ZC3H12B: variants seen among roughly 807,000 people sequenced by gnomAD.
The protein encoded by ZC3H12B is zinc finger CCCH-type containing 12B, also known as probable ribonuclease ZC3H12B.
ZC3H12B carries 7 observed loss-of-function variants against 43.9 expected under a neutral mutation model. The ratio of observed to expected loss-of-function variants is 0.16; its 90% CI spans 0.09 to 0.30. ZC3H12B has a LOEUF of 0.30. ZC3H12B is among the 10% of genes least tolerant of loss of function. ZC3H12B has a pLI of 1.00. For synonymous variants in ZC3H12B, 222 were observed against 241.7 expected (o/e 0.92, Z 0.76); for missense variants, 475 against 670.2 (o/e 0.71, Z 3.22).
chrX:65,299,836 C>T, the ZC3H12B span, among the ~76,000 whole-genome samples: 2 of 112,273 alleles, frequency 1.8e-5, no homozygotes, highest in African/African-American at 6.5e-5. Context: ...CTGTGAGTGC[C>T]CAAAGTGTGA....
chrX:65,168,072 G>C, the ZC3H12B span, among the ~76,000 whole-genome samples: 1 of 111,850 alleles, frequency 8.9e-6, no homozygotes, highest in Non-Finnish European at 1.9e-5. Context: ...CCAACACTAT[G>C]TTGAATAGGA....
intron 3 of ZC3H12B, among the ~76,000 whole-genome samples, chrX:65,462,791 A>G (rs2067768836): frequency 8.9e-6 from 1 of 112,066 alleles, no homozygotes; most frequent in Non-Finnish European, 1.9e-5. Flanking sequence ...AAAACACATC[A>G]TTCTACCAAA....
chrX:65,429,096 A>C, intron 3 of ZC3H12B, among the ~76,000 whole-genome samples: 1 of 112,128 alleles, frequency 8.9e-6, no homozygotes. Context: ...GAAGGTTGTG[A>C]AATAGCAAAG....
the ZC3H12B span, among the ~76,000 whole-genome samples, chrX:65,131,005 G>T: frequency 8.9e-6 from 1 of 112,109 alleles, no homozygotes; most frequent in South Asian, 3.7e-4. Context: ...CATTAATGAT[G>T]GTGGACCCTT....
chrX:65,358,075 C>T, the ZC3H12B span, among the ~76,000 whole-genome samples: 4 of 108,167 alleles, frequency 3.7e-5, no homozygotes, highest in South Asian at 3.9e-4. Flanking sequence ...GATATTAAAC[C>T]AACAAAGATC....
the ZC3H12B span, chrX:65,272,913 C>T: frequency 8.9e-6 from 1 of 112,184 alleles, no homozygotes; most frequent in Non-Finnish European, 1.9e-5. Context: ...ACATTCTTAA[C>T]ATTTTAGAAG....
the ZC3H12B span, among the ~76,000 whole-genome samples, chrX:65,078,589 A>G: frequency 8.9e-6 from 1 of 112,156 alleles, no homozygotes; most frequent in Non-Finnish European, 1.9e-5. Context: ...ATTTGACAAT[A>G]TGGAGATTAT....
chrX:65,252,075 T>C, the ZC3H12B span, among the ~76,000 whole-genome samples: 2 of 112,010 alleles, frequency 1.8e-5, no homozygotes, highest in Non-Finnish European at 3.8e-5. Flanking sequence ...TGTGGGTTTG[T>C]CATAAATAGA....
At chrX:65,192,663 A>G in the ZC3H12B span, among the ~76,000 whole-genome samples, 1 of 111,422 alleles carries the variant, frequency 9.0e-6, no homozygotes, top group Non-Finnish European at 1.9e-5. Flanking sequence ...TGACTTGCAT[A>G]TGTTGAACTA....
chrX:65,271,318 G>A, the ZC3H12B span: 1 of 112,647 alleles, frequency 8.9e-6, no homozygotes, highest in Admixed American at 9.3e-5. Context: ...TAACTGACAT[G>A]TCTTAACATA....
the ZC3H12B span, among the ~76,000 whole-genome samples, chrX:65,129,675 C>G: frequency 9.0e-6 from 1 of 111,049 alleles, no homozygotes; most frequent in Non-Finnish European, 1.9e-5. Flanking sequence ...TTAGCTTGGT[C>G]TCAGAGGCCT....
At chrX:65,228,358 A>G in the ZC3H12B span, among the ~76,000 whole-genome samples, 1 of 111,985 alleles carries the variant, frequency 8.9e-6, no homozygotes, top group East Asian at 2.8e-4. Flanking sequence ...AACTCTCAAT[A>G]AATTAGGTAT....
chrX:65,163,514 T>G, the ZC3H12B span, among the ~76,000 whole-genome samples: 2 of 111,470 alleles, frequency 1.8e-5, no homozygotes, highest in Non-Finnish European at 3.8e-5. Context: ...CCTTGCAGTT[T>G]GATCTCATAC....
chrX:65,250,501 G>A, the ZC3H12B span, among the ~76,000 whole-genome samples: 5 of 111,767 alleles, frequency 4.5e-5, no homozygotes, highest in Non-Finnish European at 7.5e-5. Flanking sequence ...AGATCCTTGA[G>A]GAATTGCCAC....
the ZC3H12B span, among the ~76,000 whole-genome samples, chrX:65,294,542 C>T: frequency 3.6e-5 from 4 of 111,328 alleles, no homozygotes; most frequent in Non-Finnish European, 7.6e-5. Flanking sequence ...AAATGCTCCA[C>T]CTAAAGGAAA....
At chrX:65,320,740 G>A in the ZC3H12B span, among the ~76,000 whole-genome samples, 5 of 111,671 alleles carry the variant, frequency 4.5e-5, no homozygotes, top group Non-Finnish European at 9.4e-5. Flanking sequence ...CAGAAATAAG[G>A]CTGCACACCT....
At chrX:65,367,003 A>T (rs1008459595) in intron 1 of ZC3H12B, among the ~76,000 whole-genome samples, 13 of 112,164 alleles carry the variant, frequency 1.2e-4, no homozygotes, top group Non-Finnish European at 2.4e-4. Flanking sequence ...AGCATCTACT[A>T]CATGTAAGGC....
chrX:65,274,834 C>A, the ZC3H12B span, among the ~76,000 whole-genome samples: 1 of 111,465 alleles, frequency 9.0e-6, no homozygotes, highest in Non-Finnish European at 1.9e-5. Flanking sequence ...CCCAGTCTGG[C>A]CAAACATCCA....
chrX:65,287,517 G>T, the ZC3H12B span, among the ~76,000 whole-genome samples: 3 of 110,239 alleles, frequency 2.7e-5, no homozygotes, highest in East Asian at 5.7e-4. Flanking sequence ...GCACTTTGGG[G>T]GGCCGAGGCA....
Sources: allele counts gnomAD v4.1 joint callset (sites outside exome capture counted in the v4.1 genomes callset), GRCh38; gene constraint gnomAD v4.1.1; transcripts MANE v1.5; gene names NCBI Gene and HGNC (gene_info 2026-07-23, HGNC 2026-07-21).